Variants in RBM22 observed in about 807,000 individuals in gnomAD.
The protein encoded by RBM22 is pre-mRNA-splicing factor RBM22.
Under a neutral mutation model 50.1 loss-of-function variants are expected in RBM22, and 1 was observed. The observed-to-expected ratio is 0.02, with a 90% CI of 0.01 to 0.09. RBM22 has a LOEUF of 0.09. RBM22 is among the 10% of genes least tolerant of loss of function. The pLI, the probability that RBM22 is intolerant of heterozygous loss-of-function variation, is 1.00. For synonymous variants in RBM22, 152 were observed against 179.0 expected (o/e 0.85, Z 1.20); for missense variants, 264 against 529.3 (o/e 0.50, Z 4.92).
Position 150,691,677 on chromosome 5 carries a change from T to G in RBM22, c.*74A>C. On this transcript the variant is annotated 3_prime_UTR_variant, in exon 11 of 11. Coordinates refer to ENST00000199814, the MANE Select transcript of RBM22 (RefSeq NM_018047.3). Reference sequence around the variant, plus strand: ...ATGGAAACTACAAGGGAAGGAAAAATATATTTATTCCAAGATTTACTGGGA... The same window carrying G: ...ATGGAAACTACAAGGGAAGGAAAAAGATATTTATTCCAAGATTTACTGGGA... 1 of 1,395,842 alleles carries G rather than the reference T, an allele frequency of 7.2e-7. No homozygotes were observed. The highest frequency in any genetic ancestry group is 1.8e-5 in the South Asian group (1 of 55,284). The allele number at this position is 1,395,842 out of a possible 1,614,324, so 86.5% of individuals were successfully genotyped here.
intron 3 of RBM22, 66 bp from the exon 4 acceptor site, chr5:150,698,697 A>C: frequency 6.3e-7 from 1 of 1,578,752 alleles, no homozygotes; most frequent in Non-Finnish European, 8.6e-7. Flanking sequence ...GAGATCTGAT[A>C]ACAACGGGGC....
Position 150,696,968 on chromosome 5 carries a change from T to A in RBM22, c.272-77A>T. Reference sequence around the variant, plus strand: ...ATACTAACCATGCACACAGAATACATCATCTTTCCCTTCTCCTCTTTCCTA... The same window carrying A: ...ATACTAACCATGCACACAGAATACAACATCTTTCCCTTCTCCTCTTTCCTA... On this transcript the variant is annotated intron_variant, in intron 4 of 10. Coordinates refer to ENST00000199814, the MANE Select transcript of RBM22 (RefSeq NM_018047.3). This position sits in a 1 kb window ranked among gnomAD's most constrained non-coding sequence, Gnocchi z 4.3. 1 of 1,344,908 alleles carries A rather than the reference T, an allele frequency of 7.4e-7. No individual in the cohort carries two copies. Among genetic ancestry groups the A allele is most frequent in the Non-Finnish European group, 1.1e-6 (1 of 947,246 alleles). The allele number at this position is 1,344,908 out of a possible 1,614,324, so 83.3% of individuals were successfully genotyped here. A position where few individuals can be genotyped will look rare whatever the true frequency, so the allele number is the denominator to read the frequency against.
At chr5:150,692,795 C>T in intron 10 of RBM22, 100 bp downstream of exon 10, 1 of 1,320,788 alleles carries the variant, frequency 7.6e-7, no homozygotes, top group Non-Finnish European at 1.0e-6. Context: ...TTCTACAGAG[C>T]AAACTCACAG....
Position 150,696,832 on chromosome 5 carries a change from C to T in RBM22, c.331G>A (p.Asp111Asn). 2 of 1,614,206 alleles carry T rather than the reference C, an allele frequency of 1.2e-6. No homozygotes were observed. The highest frequency in any genetic ancestry group is 2.2e-5 in the South Asian group (2 of 91,092). ...TGTGTATAGTACTCTTTGTTGACAT[C>T]TGACTTTGGCATGTCATCTTTAAAA... ...LSFKDDMPKS[D>N]VNKEYYTQNM... Residue 111 changes from aspartate (D) to asparagine (N), a missense_variant, in exon 5 of 11, where the codon GAT becomes AAT. Physicochemically the swap from Asp to Asn is conservative, Grantham distance 23. Transcript: ENST00000199814. The surrounding 1 kb of genome is among the most constrained non-coding windows in gnomAD (Gnocchi z 4.3).
intron 8 of RBM22, 92 bp from the exon 9 acceptor site, chr5:150,693,399 G>A (rs1759235075): frequency 4.2e-6 from 4 of 953,018 alleles, no homozygotes; most frequent in African/African-American, 3.2e-5. Flanking sequence ...GAGTTCCTTC[G>A]CTCTACCTCC....
Position 150,692,991 on chromosome 5 carries a change from A to G in RBM22, c.1036T>C (p.Ser346Pro), listed in dbSNP as rs765996253. The change falls in exon 10 of 11, where the codon TCT becomes CCT. Residue 346 changes from serine to proline, a missense_variant. By Grantham distance (74) the Ser-to-Pro change is moderately conservative (BLOSUM62 -1). Coordinates refer to ENST00000199814, the MANE Select transcript of RBM22 (RefSeq NM_018047.3). The stretch of plus-strand genomic sequence containing the variant: ...GGGGGCAAGTTGAAGTAGTTGGCAG[A>G]GGCTTCTTCTTCTGCTGCAGGAGGA... ...PPPPAAEEEASANYFNLPPSG... is the reference protein window; with the variant it reads ...PPPPAAEEEAPANYFNLPPSG... The G allele has an allele frequency of 1.9e-6, 3 of 1,612,654 alleles. No individual in the cohort carries two copies. In the Admixed American group the frequency reaches 5.0e-5, roughly 27 times the overall value.
At chr5:150,694,772 AG>A (rs1759253300) in intron 7 of RBM22, 1 of 152,658 alleles carries the variant, frequency 6.6e-6, no homozygotes, top group Non-Finnish European at 1.5e-5. Context: ...TCTCTTTGGA[AG>A]AGGTAATTTC....
chr5:150,693,076 C>T (rs776603089), intron 9 of RBM22, 50 bp from the exon 10 acceptor site: 78 of 1,570,664 alleles, frequency 5.0e-5, no homozygotes, highest in Non-Finnish European at 6.0e-5. Flanking sequence ...AATTGTGCAA[C>T]GCTGTTTCTA....
intron 4 of RBM22, among the ~76,000 whole-genome samples, 171 bp downstream of exon 4, chr5:150,698,328 A>T (rs573411417): frequency 2.0e-5 from 3 of 152,196 alleles, no homozygotes; most frequent in African/African-American, 7.2e-5. Context: ...ACTATTGTTC[A>T]GGACTCTAGA....
intron 10 of RBM22, among the ~76,000 whole-genome samples, chr5:150,692,467 A>G (rs868700378): frequency 6.6e-6 from 1 of 152,146 alleles, no homozygotes; most frequent in Non-Finnish European, 1.5e-5. Flanking sequence ...TTTTTTGGTA[A>G]CAAGACTTTC....
intron 4 of RBM22, chr5:150,697,711 T>A (rs192605297): frequency 1.9e-4 from 66 of 354,980 alleles, no homozygotes; most frequent in African/African-American, 1.3e-3. Context: ...GAACTTAACA[T>A]ACATAAACTC....
At position 150,695,451 on chromosome 5, in the gene RBM22, A is replaced by G. The variant is rs1759263767; in HGVS notation, c.746+55T>C. 4.3e-6 allele frequency: 6 copies of G among 1,399,556 alleles called. No homozygotes were observed. In the South Asian group the frequency reaches 7.3e-5, roughly 17 times the overall value. The allele number at this position is 1,399,556 out of a possible 1,614,324, so 86.7% of individuals were successfully genotyped here. A position where few individuals can be genotyped will look rare whatever the true frequency, so the allele number is the denominator to read the frequency against. On this transcript the variant is annotated intron_variant, in intron 7 of 10. Transcript: ENST00000199814. ...ATCATTCTTGCAGTTTTTGCAAATA[A>G]ATTATTCCAGGGCAGTTAAAGGCAA...
chr5:150,694,347 C>A, intron 7 of RBM22, 107 bp from the exon 8 acceptor site: 4 of 1,441,262 alleles, frequency 2.8e-6, no homozygotes, highest in South Asian at 1.5e-5. Context: ...GCAGGTGGGC[C>A]CCAAGGTTAT....
intron 8 of RBM22, 72 bp from the exon 9 acceptor site, chr5:150,693,379 C>T (rs910940412): frequency 1.9e-5 from 23 of 1,224,816 alleles, no homozygotes; most frequent in African/African-American, 3.0e-5. Context: ...TTACATTCCC[C>T]AGTCCAATGG....
rs1489493553 is a variant in RBM22, at chr5:150,693,139, C to T, written c.1000+80G>A. ...TGGGAGAGTAGAGCGGCAACATGAA[C>T]CAGACCTGGGTCCCATCTTCCAAAA... On this transcript the variant is annotated intron_variant, in intron 9 of 10. Coordinates refer to ENST00000199814, the MANE Select transcript of RBM22 (RefSeq NM_018047.3). 2.6e-6 allele frequency: 4 copies of T among 1,549,376 alleles called. No individual in the cohort carries two copies. In the African/African-American group the frequency reaches 4.1e-5, roughly 16 times the overall value.
At chr5:150,693,823 A>G (rs1581545766) in intron 8 of RBM22, among the ~76,000 whole-genome samples, 1 of 152,222 alleles carries the variant, frequency 6.6e-6, no homozygotes, top group Non-Finnish European at 1.5e-5. Context: ...TACTTGGCCT[A>G]TAATAGCTAG....
In RBM22 at chr5:150,694,222, G is replaced by A. The variant is rs778970894; in HGVS notation, c.765C>T (p.Phe255=). 9 of 1,609,258 alleles carry A rather than the reference G, an allele frequency of 5.6e-6. No individual in the cohort carries two copies. The East Asian group carries it at 8.9e-5, about 16-fold the overall frequency. The part of the protein sequence containing the change: ...ETDLRNHFYQ[F]GEIRTITVVQ... Reference sequence around the variant, plus strand: ...CAACAGTGATCGTCCGGATCTCTCCGAACTGGTAGAAATGATTTCTGAAGG... The same window carrying A: ...CAACAGTGATCGTCCGGATCTCTCCAAACTGGTAGAAATGATTTCTGAAGG... Residue 255 remains phenylalanine, a synonymous_variant, in exon 8 of 11, where the codon TTC becomes TTT. Coordinates refer to ENST00000199814, the MANE Select transcript of RBM22 (RefSeq NM_018047.3).
At chr5:150,698,726 G>A (rs1313533845) in intron 3 of RBM22, 95 bp from the exon 4 acceptor site, 1 of 1,471,110 alleles carries the variant, frequency 6.8e-7, no homozygotes, top group Non-Finnish European at 9.2e-7. Context: ...AAGGATCCCT[G>A]AATGTAGGAT....
intron 2 of RBM22, 115 bp downstream of exon 2, chr5:150,700,329 C>G (rs574544046): frequency 5.8e-6 from 6 of 1,033,116 alleles, no homozygotes; most frequent in Non-Finnish European, 8.6e-6. Flanking sequence ...TCCAGCACTT[C>G]GCGTTAGTAA....
Sources: allele counts gnomAD v4.1 joint callset (sites outside exome capture counted in the v4.1 genomes callset), GRCh38; gene constraint gnomAD v4.1.1; non-coding constraint Gnocchi (gnomAD v3.1); transcripts MANE v1.5; gene names NCBI Gene and HGNC (gene_info 2026-07-23, HGNC 2026-07-21).